Variants in ACBD4 observed in about 807,000 individuals in gnomAD.
ACBD4 encodes acyl-CoA-binding domain-containing protein 4.
In ACBD4, 41 loss-of-function variants were observed where a neutral mutation model predicts 46.0. The observed-to-expected ratio is 0.89, with a 90% CI of 0.69 to 1.16. The LOEUF (loss-of-function observed/expected upper bound fraction) is 1.16, where lower values mean the gene tolerates loss of function less well. ACBD4 is among the 50% of genes most tolerant of loss of function. ACBD4 has a pLI of 0.00. For missense variants in ACBD4, 393 were observed against 399.5 expected, an observed-to-expected ratio of 0.98 and a Z score of 0.14; for synonymous variants, 162 against 155.9, an observed-to-expected ratio of 1.04 and a Z score of -0.29.
intron 6 of ACBD4, 93 bp from the exon 7 acceptor site, chr17:45,137,667 G>T: frequency 2.1e-6 from 3 of 1,457,776 alleles, no homozygotes; most frequent in Non-Finnish European, 2.9e-6. Context: ...CGTATCTCTA[G>T]TGTCTCCTAA....
Position 45,137,993 on chromosome 17 carries a change from G to A in ACBD4, c.649+5G>A. 6.2e-7 allele frequency: 1 copy of A among 1,612,404 alleles called. No homozygotes were observed. The highest frequency in any genetic ancestry group is 8.5e-7 in the Non-Finnish European group (1 of 1,179,512). On this transcript the variant is annotated splice_donor_5th_base_variant and intron_variant, in intron 8 of 9. Transcript: ENST00000321854. Reference sequence around the variant, plus strand: ...CCGTGCCCCCCACAAAGAAAGGTGAGCTCCTACCCAACCTCTCACCCACTT... The same window carrying A: ...CCGTGCCCCCCACAAAGAAAGGTGAACTCCTACCCAACCTCTCACCCACTT...
intron 6 of ACBD4, 148 bp from the exon 7 acceptor site, chr17:45,137,612 T>C (rs748742879): frequency 1.9e-5 from 25 of 1,308,498 alleles, no homozygotes; most frequent in Non-Finnish European, 2.6e-5. Context: ...AGGGCCTTGC[T>C]TCTGGCGCCC....
At position 45,136,787 on chromosome 17, in the gene ACBD4, C is replaced by T. The variant is rs73984333; in HGVS notation, c.294+11C>T. The T allele has an allele frequency of 8.1e-3, 13,140 of 1,612,664 alleles. 884 individuals are homozygous for T. In the African/African-American group the frequency reaches 0.15, roughly 18 times the overall value. On this transcript the variant is annotated intron_variant, in intron 4 of 9. Coordinates refer to ENST00000321854, the MANE Select transcript of ACBD4 (RefSeq NM_001135705.3). ...CTGGTGGCACAGAAGGTAAGGGCTG[C>T]AGGTTCTCTGTCCCCAGGCTCCTGG...
At position 45,137,983 on chromosome 17, in the gene ACBD4, A is replaced by G. The variant is rs886316132; in HGVS notation, c.644A>G (p.Lys215Arg). ...DPRNSPVPPT[K>R]KEGLRGSPPG... ...AGGAACAGCCCCGTGCCCCCCACAAAGAAAGGTGAGCTCCTACCCAACCTC... is the reference window on the plus strand; with the variant it reads ...AGGAACAGCCCCGTGCCCCCCACAAGGAAAGGTGAGCTCCTACCCAACCTC... Residue 215 changes from lysine to arginine, a missense_variant, in exon 8 of 10, where the codon AAG becomes AGG. Lys to Arg is a conservative substitution (Grantham distance 26, BLOSUM62 2). This residue lies in a region of ACBD4 where 308 missense variants were observed against 301.8 expected (regional missense o/e 1.02). Transcript: ENST00000321854. 6 of 1,613,236 alleles carry G rather than the reference A, an allele frequency of 3.7e-6. No individual in the cohort carries two copies. The highest frequency in any genetic ancestry group is 4.2e-6 in the Non-Finnish European group (5 of 1,179,822).
At chr17:45,140,933 A>C (rs528259698) in intron 9 of ACBD4, among the ~76,000 whole-genome samples, 13 of 152,198 alleles carry the variant, frequency 8.5e-5, no homozygotes, top group Non-Finnish European at 1.8e-4. Flanking sequence ...GAATCACTTG[A>C]AACTGGCAGG....
At chr17:45,138,103 G>A (rs980574718) in intron 8 of ACBD4, 115 bp downstream of exon 8, 9 of 1,119,100 alleles carry the variant, frequency 8.0e-6, no homozygotes, top group Middle Eastern at 5.8e-4. Flanking sequence ...GCTGGGCACT[G>A]AGCGAGAAGC....
chr17:45,139,227 C>A, intron 9 of ACBD4, 67 bp downstream of exon 9: 1 of 1,568,868 alleles, frequency 6.4e-7, no homozygotes, highest in Non-Finnish European at 8.8e-7. Flanking sequence ...GCTCCTCTTC[C>A]AGCCACTTTT....
At chr17:45,138,054 CT>C in intron 8 of ACBD4, 66 bp downstream of exon 8, 3 of 1,480,888 alleles carry the variant, frequency 2.0e-6, no homozygotes. Flanking sequence ...CCCAGGCTTT[CT>C]CTTGGCTGCC....
upstream of ACBD4, chr17:45,132,228 G>A: frequency 7.9e-7 from 1 of 1,261,202 alleles, no homozygotes; most frequent in Non-Finnish European, 1.0e-6. This position sits in a 1 kb window ranked among gnomAD's most constrained non-coding sequence, Gnocchi z 4.6. Flanking sequence ...CCACCCCACC[G>A]CCCCTTGCCC....
chr17:45,133,229 G>T (rs2054553795), upstream of ACBD4: 1 of 152,270 alleles, frequency 6.6e-6, no homozygotes, highest in Non-Finnish European at 1.5e-5. Flanking sequence ...GGTTCTGGTG[G>T]CCGAGTCGGG....
upstream of ACBD4, among the ~76,000 whole-genome samples, chr17:45,133,520 C>CTTT (rs10569248): frequency 5.8e-4 from 43 of 73,842 alleles, 5 homozygotes; most frequent in Non-Finnish European, 9.4e-4. Flanking sequence ...CCTGAATTTT[C>CTTT]TTTTTTTTTT....
chr17:45,137,170 T>G, intron 5 of ACBD4, 31 bp downstream of exon 5: 1 of 1,613,636 alleles, frequency 6.2e-7, no homozygotes, highest in African/African-American at 1.3e-5. Flanking sequence ...GCTCCAAAAG[T>G]GCTGAGTGAA....
chr17:45,143,666 T>A lies in ACBD4; in HGVS notation c.*95T>A, dbSNP rs780674858. 1 of 1,603,590 alleles carries A rather than the reference T, an allele frequency of 6.2e-7. No homozygotes were observed. Reference sequence around the variant, plus strand: ...GAAGAACAGCATTCAAAATTCCCCGTCCTGTCAGTGTTTGCCTTCGCACCT... The same window carrying A: ...GAAGAACAGCATTCAAAATTCCCCGACCTGTCAGTGTTTGCCTTCGCACCT... On this transcript the variant is annotated 3_prime_UTR_variant, in exon 10 of 10. Coordinates refer to ENST00000321854, the MANE Select transcript of ACBD4 (RefSeq NM_001135705.3).
upstream of ACBD4, among the ~76,000 whole-genome samples, chr17:45,135,132 A>G (rs2054728780): frequency 6.6e-6 from 1 of 151,822 alleles, no homozygotes; most frequent in East Asian, 1.9e-4. Flanking sequence ...CGCCCGGCTA[A>G]TTTGTGTATT....
chr17:45,132,460 G>A (rs1356460665), upstream of ACBD4: 4 of 1,123,180 alleles, frequency 3.6e-6, no homozygotes, highest in African/African-American at 3.3e-5. This position sits in a 1 kb window ranked among gnomAD's most constrained non-coding sequence, Gnocchi z 4.6. Context: ...GCGGGGACAG[G>A]GCAGCGGGGC....
intron 6 of ACBD4, 62 bp downstream of exon 6, chr17:45,137,516 G>T (rs2054936577): frequency 1.9e-6 from 3 of 1,569,048 alleles, no homozygotes; most frequent in Admixed American, 3.4e-5. Flanking sequence ...GAGGGGAGAA[G>T]GCTGGATGCC....
chr17:45,142,554 CTTTTTTTT>C, intron 9 of ACBD4: 8 of 170,442 alleles, frequency 4.7e-5, no homozygotes, highest in Admixed American at 7.1e-5. Context: ...CACAGTAATT[CTTTTTTTT>C]TTTTTTTTTT....
Position 45,143,813 on chromosome 17 carries a change from A to C in ACBD4, c.*242A>C. On this transcript the variant is annotated 3_prime_UTR_variant, in exon 10 of 10. Transcript: ENST00000321854. Reference sequence around the variant, plus strand: ...CCCTGGGAGGCTGCAGTTGTGGTACACGTCCCCGGTGCTGGGTTGGCCGTG... The same window carrying C: ...CCCTGGGAGGCTGCAGTTGTGGTACCCGTCCCCGGTGCTGGGTTGGCCGTG... 1 of 626,640 alleles carries C rather than the reference A, an allele frequency of 1.6e-6. No homozygotes were observed. Among genetic ancestry groups the C allele is most frequent in the Non-Finnish European group, 2.7e-6 (1 of 370,188 alleles). The allele number at this position is 626,640 out of a possible 1,614,324, so 38.8% of individuals were successfully genotyped here.
At chr17:45,143,411 C>G (rs1384178400) in intron 9 of ACBD4, 32 bp from the exon 10 acceptor site, 8 of 1,571,596 alleles carry the variant, frequency 5.1e-6, no homozygotes, top group Non-Finnish European at 6.9e-6. Context: ...GAGGCCTGGA[C>G]TGGCCTCTGA....
Sources: gnomAD v4.1 joint callset for allele counts (sites outside exome capture counted in the v4.1 genomes callset) on GRCh38, gnomAD v4.1.1 for gene constraint, gnomAD v4.1.1 regional missense constraint, Gnocchi (gnomAD v3.1) non-coding constraint, MANE v1.5 for transcripts, NCBI Gene and HGNC (gene_info 2026-07-23, HGNC 2026-07-21) for gene names.